EPHB1: variants seen among roughly 807,000 people sequenced by gnomAD.
The protein encoded by EPHB1 is EPH receptor B1.
Under a neutral mutation model 94.4 loss-of-function variants are expected in EPHB1, and 30 were observed. The observed-to-expected ratio is 0.32, with a 90% CI of 0.24 to 0.43. The LOEUF is 0.43. Among genes scored for constraint, EPHB1 ranks in the 20% least tolerant of loss-of-function variants. The probability of loss-of-function intolerance (pLI) is 1.00; values close to 1 mark genes in which losing one functional copy is unlikely to be tolerated. For missense variants in EPHB1, 1,055 were observed against 1,308.3 expected (o/e 0.81, Z 2.99); for synonymous variants, 522 against 489.1 (o/e 1.07, Z -0.89).
intron 10 of EPHB1, among the ~76,000 whole-genome samples, chr3:135,190,458 A>G (rs1451797651): frequency 6.6e-6 from 1 of 152,210 alleles, no homozygotes; most frequent in African/African-American, 2.4e-5. Flanking sequence ...CATTCAGCTC[A>G]TAGTTATATA....
At chr3:135,008,478 C>A (rs1436628876) in intron 3 of EPHB1, among the ~76,000 whole-genome samples, 8 of 152,132 alleles carry the variant, frequency 5.3e-5, no homozygotes, top group Non-Finnish European at 1.0e-4. Flanking sequence ...AGCTCAGCCT[C>A]CATGATATTA....
At chr3:135,207,055 G>T (rs1942918681) in intron 12 of EPHB1, among the ~76,000 whole-genome samples, 2 of 152,166 alleles carry the variant, frequency 1.3e-5, no homozygotes, top group Non-Finnish European at 2.9e-5. Flanking sequence ...TCTTTAGGAA[G>T]ATTAACATTT....
chr3:134,953,700 A>G (rs562242678), intron 3 of EPHB1, among the ~76,000 whole-genome samples: 1 of 152,160 alleles, frequency 6.6e-6, no homozygotes, highest in Non-Finnish European at 1.5e-5. Context: ...TTTTCTCATT[A>G]TATCCTGAGC....
At chr3:135,209,048 G>A (rs1256489369) in intron 12 of EPHB1, among the ~76,000 whole-genome samples, 1 of 152,144 alleles carries the variant, frequency 6.6e-6, no homozygotes, top group Non-Finnish European at 1.5e-5. Context: ...GATAATTTGA[G>A]CCTCACAATA....
chr3:134,840,174 G>T (rs1378763879), intron 1 of EPHB1, among the ~76,000 whole-genome samples: 1 of 152,160 alleles, frequency 6.6e-6, no homozygotes. Context: ...CAGGGCCCAG[G>T]GCTTACTTCC....
intron 1 of EPHB1, among the ~76,000 whole-genome samples, chr3:134,808,268 G>A (rs2036107003): frequency 6.6e-6 from 1 of 152,196 alleles, no homozygotes; most frequent in African/African-American, 2.4e-5. Context: ...TGCTGAAGAA[G>A]TTTTGTCTCC....
rs1943883147 is a variant in EPHB1, at chr3:135,244,876, G to A, written c.2497-3440G>A. ...TTGATCTCAGTATTTTTTTCTTTGG[G>A]CTGAAGGGTAAAGGACACTTTTTTC... On this transcript the variant is annotated intron_variant, in intron 13 of 15. Transcript: ENST00000398015. Among the ~76,000 whole-genome samples the A allele has an allele frequency of 2.6e-5, 4 of 152,210 alleles. No individual in the cohort carries two copies. In the South Asian group the frequency reaches 8.3e-4, roughly 32 times the overall value.
At chr3:134,936,576 C>A (rs936177001) in intron 2 of EPHB1, among the ~76,000 whole-genome samples, 2 of 152,152 alleles carry the variant, frequency 1.3e-5, no homozygotes, top group African/African-American at 4.8e-5. Context: ...AACGCGCCCC[C>A]CCCTCCATTT....
intron 3 of EPHB1, among the ~76,000 whole-genome samples, chr3:134,954,756 C>G (rs1228711913): frequency 6.6e-6 from 1 of 152,200 alleles, no homozygotes; most frequent in Non-Finnish European, 1.5e-5. Flanking sequence ...ACAGAACAGA[C>G]TTTCATTATG....
intron 1 of EPHB1, among the ~76,000 whole-genome samples, chr3:134,908,479 G>A (rs545769530): frequency 2.6e-4 from 39 of 152,318 alleles, no homozygotes; most frequent in African/African-American, 9.1e-4. Flanking sequence ...CTGTCACTCT[G>A]CGCTGTGTGG....
chr3:134,949,137 G>C (rs1403580937), intron 2 of EPHB1, among the ~76,000 whole-genome samples: 1 of 152,126 alleles, frequency 6.6e-6, no homozygotes, highest in East Asian at 1.9e-4. Context: ...CTGGTGCTGA[G>C]ACTATCCAGG....
chr3:134,939,152 T>TA (rs2107708713), intron 2 of EPHB1, among the ~76,000 whole-genome samples: 2 of 152,324 alleles, frequency 1.3e-5, no homozygotes, highest in Non-Finnish European at 2.9e-5. Flanking sequence ...ACAATATGTA[T>TA]ATGTTTGTGA....
chr3:135,014,414 T>A (rs925012680), intron 3 of EPHB1, among the ~76,000 whole-genome samples: 2 of 152,346 alleles, frequency 1.3e-5, no homozygotes, highest in Admixed American at 6.5e-5. Flanking sequence ...TATTCACAGT[T>A]CATTTCTGTT....
chr3:135,123,988 A>G (rs2107684129), intron 4 of EPHB1, among the ~76,000 whole-genome samples: 1 of 151,632 alleles, frequency 6.6e-6, no homozygotes, highest in South Asian at 2.1e-4. Flanking sequence ...AGCCCTCCTT[A>G]CAGTAACACC....
intron 15 of EPHB1, among the ~76,000 whole-genome samples, chr3:135,256,808 G>T (rs984171776): frequency 3.3e-5 from 5 of 151,968 alleles, no homozygotes; most frequent in Admixed American, 3.3e-4. Context: ...ATCCTGCAGC[G>T]TGTTTTCCAA....
At chr3:135,173,793 C>G (rs1431767896) in intron 9 of EPHB1, among the ~76,000 whole-genome samples, 1 of 152,240 alleles carries the variant, frequency 6.6e-6, no homozygotes, top group African/African-American at 2.4e-5. Context: ...TTCTAAGCAC[C>G]TGCATATTTC....
intron 3 of EPHB1, among the ~76,000 whole-genome samples, chr3:135,021,979 T>C (rs1936000781): frequency 1.1e-5 from 1 of 92,026 alleles, no homozygotes; most frequent in East Asian, 2.3e-4. Context: ...AATGTTGTGT[T>C]TTGTTTGTTT....
At position 134,912,521 on chromosome 3, in the gene EPHB1, T is replaced by C. The variant is rs546459862; in HGVS notation, c.59-13295T>C. 3.6e-4 allele frequency among the ~76,000 whole-genome samples: 55 copies of C among 152,350 alleles called. No individual in the cohort carries two copies. The South Asian group carries it at 9.5e-3, about 26-fold the overall frequency. On this transcript the variant is annotated intron_variant, in intron 1 of 15. Transcript: ENST00000398015. ...GGCATGCCTGTGTGGTTCTTTCCTT[T>C]CCTGGCCTCTGCCTCTCTCTCTCTC...
chr3:135,011,230 T>C (rs574401377), intron 3 of EPHB1, among the ~76,000 whole-genome samples: 1 of 152,368 alleles, frequency 6.6e-6, no homozygotes, highest in African/African-American at 2.4e-5. Context: ...AACATGGCAT[T>C]GCAGTGGTCA....
Sources: allele counts gnomAD v4.1 joint callset (sites outside exome capture counted in the v4.1 genomes callset), GRCh38; gene constraint gnomAD v4.1.1; transcripts MANE v1.5; gene names NCBI Gene and HGNC (gene_info 2026-07-23, HGNC 2026-07-21).